The following SLC8A1 variants were observed in gnomAD, a reference collection of about 807,000 sequenced individuals.
SLC8A1 encodes the protein sodium/calcium exchanger 1.
A neutral mutation model predicts 68.3 loss-of-function variants in SLC8A1; 18 were observed. The observed-to-expected ratio is 0.26, with a 90% CI of 0.18 to 0.39. The LOEUF (loss-of-function observed/expected upper bound fraction) is 0.39, where lower values mean the gene tolerates loss of function less well. SLC8A1 is among the 10% of genes least tolerant of loss of function. The pLI is 1.00. For synonymous variants in SLC8A1, 475 were observed against 415.5 expected (o/e 1.14, Z -1.74); for missense variants, 985 against 1,156.7 (o/e 0.85, Z 2.15).
chr2:40,430,257 A>G, exon 2 of SLC8A1: 1 of 1,612,550 alleles, frequency 6.2e-7, no homozygotes. Context: ...TGGGTGAAAG[A>G]CTTAATCGCC....
chr2:40,458,975 A>T (rs913950712), intron 1 of SLC8A1, among the ~76,000 whole-genome samples: 39 of 152,322 alleles, frequency 2.6e-4, no homozygotes, highest in African/African-American at 8.9e-4. Flanking sequence ...AAAATAAAAC[A>T]CAGCTGAGAG....
intron 2 of SLC8A1, among the ~76,000 whole-genome samples, chr2:40,299,471 A>G (rs556245394): frequency 6.6e-6 from 1 of 152,192 alleles, no homozygotes; most frequent in South Asian, 2.1e-4. Flanking sequence ...ATTTGTCTTG[A>G]GTTGAAGGAG....
chr2:40,195,552 ATATCTT>A (rs1289494338), intron 2 of SLC8A1, among the ~76,000 whole-genome samples: 1 of 152,088 alleles, frequency 6.6e-6, no homozygotes, highest in African/African-American at 2.4e-5. Context: ...CTGTATGACT[ATATCTT>A]TATGATTATC....
chr2:40,427,805 G>C (rs2149778166), intron 2 of SLC8A1, among the ~76,000 whole-genome samples: 1 of 152,256 alleles, frequency 6.6e-6, no homozygotes, highest in East Asian at 1.9e-4. Flanking sequence ...GGGGTACAGG[G>C]TTTGTTTAAT....
intron 2 of SLC8A1, among the ~76,000 whole-genome samples, chr2:40,347,436 C>T (rs1669711085): frequency 6.6e-6 from 1 of 152,196 alleles, no homozygotes; most frequent in Non-Finnish European, 1.5e-5. Flanking sequence ...GAAGAGAATC[C>T]AGGCTTCAGA....
chr2:40,167,428 A>C (rs1468980786), intron 4 of SLC8A1, among the ~76,000 whole-genome samples: 1 of 152,238 alleles, frequency 6.6e-6, no homozygotes, highest in African/African-American at 2.4e-5. Flanking sequence ...TTTCTTTTAA[A>C]AACAAACTTA....
intron 2 of SLC8A1, among the ~76,000 whole-genome samples, chr2:40,328,357 T>C (rs2149363860): frequency 6.6e-6 from 1 of 152,328 alleles, no homozygotes; most frequent in Non-Finnish European, 1.5e-5. Flanking sequence ...GATGTGATAC[T>C]GTGGAGGTTT....
At chr2:40,219,665 A>C (rs926412835) in intron 2 of SLC8A1, among the ~76,000 whole-genome samples, 20 of 152,210 alleles carry the variant, frequency 1.3e-4, no homozygotes, top group Non-Finnish European at 2.8e-4. Flanking sequence ...CTTTTATTCT[A>C]ATAAGTTGTT....
At chr2:40,295,240 C>T (rs2070145563) in intron 2 of SLC8A1, among the ~76,000 whole-genome samples, 1 of 152,022 alleles carries the variant, frequency 6.6e-6, no homozygotes, top group African/African-American at 2.4e-5. Context: ...GCTGGGACTA[C>T]AGGCATAAGC....
intron 6 of SLC8A1, among the ~76,000 whole-genome samples, chr2:40,154,069 T>C (rs141343937): frequency 6.6e-6 from 1 of 152,238 alleles, no homozygotes; most frequent in East Asian, 1.9e-4. Context: ...CTCACGATGA[T>C]GGGGTTTCAT....
chr2:40,371,842 C>T (rs1678199039), intron 2 of SLC8A1, among the ~76,000 whole-genome samples: 1 of 152,082 alleles, frequency 6.6e-6, no homozygotes, highest in Non-Finnish European at 1.5e-5. Flanking sequence ...GTTGCTGTGG[C>T]AGCAGCCCTG....
chr2:40,329,828 A>T (rs1281695165), intron 2 of SLC8A1, among the ~76,000 whole-genome samples: 1 of 152,174 alleles, frequency 6.6e-6, no homozygotes, highest in Non-Finnish European at 1.5e-5. Flanking sequence ...GAGTCCTGGC[A>T]CGCTGTCACA....
chr2:40,468,671 G>A (rs1038873254), intron 1 of SLC8A1, among the ~76,000 whole-genome samples: 1 of 151,994 alleles, frequency 6.6e-6, no homozygotes, highest in Non-Finnish European at 1.5e-5. Flanking sequence ...AAAGCAGAAG[G>A]AATAGTGGAA....
At chr2:40,219,875 ATTTTTTTTTTT>A (rs1162934399) in intron 2 of SLC8A1, among the ~76,000 whole-genome samples, 8 of 27,794 alleles carry the variant, frequency 2.9e-4, no homozygotes, top group African/African-American at 6.4e-4. Context: ...CTACTATAGG[ATTTTTTTTTTT>A]TTTTTTTTTT....
chr2:40,278,578 A>C (rs1414394064), intron 2 of SLC8A1, among the ~76,000 whole-genome samples: 1 of 152,226 alleles, frequency 6.6e-6, no homozygotes, highest in African/African-American at 2.4e-5. Context: ...CACATGTGCA[A>C]ATAAAAGGAT....
At chr2:40,292,492 A>AG (rs2069508342) in intron 2 of SLC8A1, among the ~76,000 whole-genome samples, 1 of 152,154 alleles carries the variant, frequency 6.6e-6, no homozygotes, top group East Asian at 1.9e-4. Flanking sequence ...TCACCCCTCT[A>AG]GAGACATACT....
At chr2:40,312,359 T>C (rs530911540) in intron 2 of SLC8A1, among the ~76,000 whole-genome samples, 28 of 152,204 alleles carry the variant, frequency 1.8e-4, no homozygotes, top group African/African-American at 5.5e-4. Context: ...AGGGGTACTA[T>C]TTTCATCATA....
chr2:40,194,929 A>G (rs947460021), intron 2 of SLC8A1, among the ~76,000 whole-genome samples: 1 of 152,106 alleles, frequency 6.6e-6, no homozygotes, highest in African/African-American at 2.4e-5. Context: ...AGAACCCAGA[A>G]AATATGGAAA....
At chr2:40,198,387 T>C (rs921893452) in intron 2 of SLC8A1, among the ~76,000 whole-genome samples, 1 of 151,964 alleles carries the variant, frequency 6.6e-6, no homozygotes, top group Non-Finnish European at 1.5e-5. Context: ...AAAGATGATA[T>C]ATAATTATCA....
Sources: allele counts gnomAD v4.1 joint callset (sites outside exome capture counted in the v4.1 genomes callset), GRCh38; gene constraint gnomAD v4.1.1; transcripts MANE v1.5; gene names NCBI Gene and HGNC (gene_info 2026-07-23, HGNC 2026-07-21).